LPP: variants seen among roughly 807,000 people sequenced by gnomAD.
LPP encodes LIM domain containing preferred translocation partner in lipoma.
Under a neutral mutation model 60.4 loss-of-function variants are expected in LPP, and 38 were observed. The observed-to-expected ratio is 0.63, with a 90% CI of 0.49 to 0.83. The LOEUF (loss-of-function observed/expected upper bound fraction) is 0.83. LPP is among the 40% of genes least tolerant of loss of function. LPP has a pLI of 0.00. For missense variants in LPP, 902 were observed against 783.6 expected, an observed-to-expected ratio of 1.15 and a Z score of -1.80; for synonymous variants, 328 against 290.8, an observed-to-expected ratio of 1.13 and a Z score of -1.30.
intron 3 of LPP, among the ~76,000 whole-genome samples, chr3:188,398,931 G>A (rs1290460577): frequency 6.6e-6 from 1 of 152,244 alleles, no homozygotes; most frequent in Admixed American, 6.5e-5. Context: ...AAAGAGGACT[G>A]TGCTTCCTCA....
chr3:188,566,572 T>A (rs987359086), intron 6 of LPP, among the ~76,000 whole-genome samples: 20 of 151,852 alleles, frequency 1.3e-4, no homozygotes, highest in Middle Eastern at 3.2e-3. Context: ...CTCCCAACTC[T>A]CCCTCCAACA....
Position 188,760,435 on chromosome 3 carries a change from T to TGTGTGTGTGTGTGTGC in LPP, c.1410+154_1410+155insTGTGTGTGTGTGTGCG, listed in dbSNP as rs777127864. 9.6e-3 allele frequency among the ~76,000 whole-genome samples: 1,444 copies of TGTGTGTGTGTGTGTGC among 151,154 alleles called. 10 individuals carry two copies. Among genetic ancestry groups the TGTGTGTGTGTGTGTGC allele is most frequent in the Middle Eastern group, 0.017 (5 of 290 alleles). On this transcript the variant is annotated intron_variant, in intron 9 of 11. Transcript: ENST00000617246. Reference sequence around the variant, plus strand: ...GTGTGTGTGTGTGTGTGTGTGTGTGTGCGTGCGCGCATGTAAATTAGCATA... The same window carrying TGTGTGTGTGTGTGTGC: ...GTGTGTGTGTGTGTGTGTGTGTGTGTGTGTGTGTGTGTGTGCGCGTGCGCGCATGTAAATTAGCATA...
chr3:188,324,052 T>C (rs1757694500), intron 2 of LPP, among the ~76,000 whole-genome samples: 1 of 152,222 alleles, frequency 6.6e-6, no homozygotes, highest in South Asian at 2.1e-4. Flanking sequence ...TTGTCGTTAT[T>C]ATCTATAACT....
At chr3:188,502,221 T>C (rs189879724) in intron 5 of LPP, among the ~76,000 whole-genome samples, 5 of 152,272 alleles carry the variant, frequency 3.3e-5, no homozygotes, top group Admixed American at 1.3e-4. Context: ...TTGAAATCTC[T>C]ATTATTATAC....
chr3:188,321,423 A>G (rs1241151320), intron 2 of LPP, among the ~76,000 whole-genome samples: 1 of 152,160 alleles, frequency 6.6e-6, no homozygotes, highest in Non-Finnish European at 1.5e-5. Flanking sequence ...TGATAATTCT[A>G]TTGGATGGTG....
At chr3:188,340,218 T>C (rs1443907857) in intron 2 of LPP, among the ~76,000 whole-genome samples, 1 of 152,202 alleles carries the variant, frequency 6.6e-6, no homozygotes, top group Admixed American at 6.5e-5. Context: ...GTTTGGTTTT[T>C]GTATTTGTAA....
At chr3:188,479,151 G>A (rs1804053174) in intron 4 of LPP, among the ~76,000 whole-genome samples, 1 of 152,202 alleles carries the variant, frequency 6.6e-6, no homozygotes, top group Non-Finnish European at 1.5e-5. Context: ...GTGCGTGTGT[G>A]TGTAGGTATT....
intron 7 of LPP, among the ~76,000 whole-genome samples, chr3:188,701,318 T>C (rs1175357469): frequency 6.6e-6 from 1 of 151,950 alleles, no homozygotes; most frequent in Non-Finnish European, 1.5e-5. Flanking sequence ...GACAATCACC[T>C]GGGCCCCTAG....
chr3:188,771,559 A>G (rs12486778), intron 9 of LPP, among the ~76,000 whole-genome samples: 15 of 77,568 alleles, frequency 1.9e-4, no homozygotes, highest in African/African-American at 1.1e-4. Flanking sequence ...CAAAAAAAAA[A>G]AAAAAAAGAA....
intron 3 of LPP, among the ~76,000 whole-genome samples, chr3:188,383,225 A>G (rs565497850): frequency 6.6e-6 from 1 of 152,190 alleles, no homozygotes; most frequent in East Asian, 1.9e-4. Context: ...TTCTAGCTGA[A>G]ATTTGCTTCT....
At chr3:188,169,124 CTG>C (rs1720843997) in intron 1 of LPP, among the ~76,000 whole-genome samples, 1 of 152,240 alleles carries the variant, frequency 6.6e-6, no homozygotes, top group Non-Finnish European at 1.5e-5. Context: ...CGTAGTATAA[CTG>C]AGAAACTTTT....
intron 4 of LPP, among the ~76,000 whole-genome samples, chr3:188,421,536 G>A (rs1384801272): frequency 1.3e-5 from 2 of 152,152 alleles, no homozygotes; most frequent in Non-Finnish European, 2.9e-5. Flanking sequence ...GCCTAACCTA[G>A]TTGGCCAAAG....
chr3:188,758,760 TG>T (rs1302984487), intron 8 of LPP: 1 of 152,182 alleles, frequency 6.6e-6, no homozygotes, highest in Non-Finnish European at 1.5e-5. Flanking sequence ...TGCACAGAAC[TG>T]GGAATAGGTA....
At chr3:188,694,703 A>T (rs971488739) in intron 7 of LPP, among the ~76,000 whole-genome samples, 3 of 151,374 alleles carry the variant, frequency 2.0e-5, no homozygotes, top group African/African-American at 7.4e-5. Flanking sequence ...ATCTCAAAAA[A>T]AAAAAAATAA....
chr3:188,362,754 A>C (rs946212502), intron 3 of LPP, among the ~76,000 whole-genome samples: 2 of 152,224 alleles, frequency 1.3e-5, no homozygotes, highest in African/African-American at 2.4e-5. Flanking sequence ...AAGAAAATAA[A>C]TCGCTAAAAT....
In LPP at chr3:188,200,742, C is replaced by T. The variant is rs115024243; in HGVS notation, c.-189-24663C>T. Among the ~76,000 whole-genome samples the T allele has an allele frequency of 9.0e-3, 1,377 of 152,166 alleles. 8 individuals are homozygous for T. Among genetic ancestry groups the T allele is most frequent in the South Asian group, 0.03 (143 of 4,806 alleles). On this transcript the variant is annotated intron_variant, in intron 1 of 11. Coordinates refer to ENST00000617246, the MANE Select transcript of LPP (RefSeq NM_001375462.1). ...AGTATGGGGAATGTAATTTTTAAGT[C>T]GGCTTCTGTGATGCAGAAAGGCACT...
chr3:188,491,820 T>C (rs1205899966), intron 5 of LPP, among the ~76,000 whole-genome samples: 2 of 152,220 alleles, frequency 1.3e-5, no homozygotes, highest in East Asian at 3.8e-4. Flanking sequence ...AAAAACCCTT[T>C]TGACAGTAGC....
chr3:188,296,320 A>C (rs1747861197), intron 2 of LPP, among the ~76,000 whole-genome samples: 1 of 152,144 alleles, frequency 6.6e-6, no homozygotes, highest in Non-Finnish European at 1.5e-5. Context: ...AAGATAAGTG[A>C]GGATTCGGGG....
At chr3:188,179,692 A>G (rs2148888375) in intron 1 of LPP, 1 of 354,762 alleles carries the variant, frequency 2.8e-6, no homozygotes, top group South Asian at 2.1e-5. Flanking sequence ...GTCTGCTCCA[A>G]AACTGTGGCC....
Sources: gnomAD v4.1 joint callset for allele counts (sites outside exome capture counted in the v4.1 genomes callset) on GRCh38, gnomAD v4.1.1 for gene constraint, MANE v1.5 for transcripts, NCBI Gene and HGNC (gene_info 2026-07-23, HGNC 2026-07-21) for gene names.